The following RBM33 variants were observed in gnomAD, a reference collection of about 807,000 sequenced individuals.
RBM33 encodes RNA-binding protein 33.
RBM33 carries 28 observed loss-of-function variants against 132.6 expected under a neutral mutation model. The observed-to-expected ratio is 0.21, with a 90% CI of 0.16 to 0.29. RBM33 has a LOEUF of 0.29. RBM33 is among the 10% of genes least tolerant of loss of function. The pLI, the probability that RBM33 is intolerant of heterozygous loss-of-function variation, is 1.00. For synonymous variants in RBM33, 634 were observed against 593.0 expected (o/e 1.07, Z -1.01); for missense variants, 1,291 against 1,518.5 (o/e 0.85, Z 2.49).
chr7:155,714,045 G>A (rs541840188), intron 8 of RBM33, among the ~76,000 whole-genome samples: 25 of 152,130 alleles, frequency 1.6e-4, no homozygotes, highest in Non-Finnish European at 2.9e-4. Context: ...CTGAGGAGAG[G>A]CGCTTTGGAG....
chr7:155,715,674 A>G (rs1204728636), intron 8 of RBM33, among the ~76,000 whole-genome samples: 1 of 152,248 alleles, frequency 6.6e-6, no homozygotes, highest in Non-Finnish European at 1.5e-5. Flanking sequence ...CTTCAGAGGT[A>G]CACTGACACA....
intron 14 of RBM33, among the ~76,000 whole-genome samples, chr7:155,757,362 G>GA (rs1180557706): frequency 3.3e-5 from 5 of 151,218 alleles, no homozygotes; most frequent in Non-Finnish European, 5.9e-5. Flanking sequence ...CTTTTAATTA[G>GA]AAAAAAAAAT....
chr7:155,650,585 C>T (rs145350087), intron 1 of RBM33, among the ~76,000 whole-genome samples: 1 of 152,046 alleles, frequency 6.6e-6, no homozygotes, highest in African/African-American at 2.4e-5. Context: ...TTTGTGCTAT[C>T]CTTTTATTTA....
chr7:155,739,915 C>G lies in RBM33; in HGVS notation c.1938C>G (p.Pro646=), dbSNP rs1490588336. 3 of 1,551,238 alleles carry G rather than the reference C, an allele frequency of 1.9e-6. No homozygotes were observed. The African/African-American group carries it at 4.1e-5, about 21-fold the overall frequency. ...HHHHHHLSVP[P]PPLMPMSQPQ... ...ACCACCACCACCTGTCCGTCCCGCC[C>G]CCTCCTTTGATGCCGATGTCTCAGC... The change falls in exon 12 of 18, where the codon CCC becomes CCG. Residue 646 remains proline, a synonymous_variant. Transcript: ENST00000401878.
intron 14 of RBM33, among the ~76,000 whole-genome samples, chr7:155,748,265 C>T (rs981078476): frequency 1.3e-5 from 2 of 152,238 alleles, no homozygotes; most frequent in African/African-American, 2.4e-5. Flanking sequence ...TTACCTCCTT[C>T]CCTTTTTTCT....
Position 155,661,146 on chromosome 7 carries a change from A to ATATTTTT in RBM33, c.44-4028_44-4027insATTTTTT, listed in dbSNP as rs1421586760. 1.1e-3 allele frequency among the ~76,000 whole-genome samples: 87 copies of ATATTTTT among 81,166 alleles called. 6 individuals are homozygous for ATATTTTT. The highest frequency in any genetic ancestry group is 1.8e-3 in the East Asian group (5 of 2,776). 53.2% of individuals were successfully genotyped at this position (81,166 alleles called of 152,430 possible). On this transcript the variant is annotated intron_variant, in intron 1 of 17. Transcript: ENST00000401878. ...TGTGTGTGTGTATATATATATATAT[A>ATATTTTT]TTTTTTTTTTTTTGAGACAGAGTCT...
At chr7:155,695,934 ACG>A (rs1491261125) in intron 5 of RBM33, among the ~76,000 whole-genome samples, 193 of 151,572 alleles carry the variant, frequency 1.3e-3, no homozygotes, top group African/African-American at 4.5e-3. Flanking sequence ...ATATGTGCGC[ACG>A]TGTGTGTGTG....
At chr7:155,748,995 C>T (rs1160054490) in intron 14 of RBM33, among the ~76,000 whole-genome samples, 3 of 152,096 alleles carry the variant, frequency 2.0e-5, no homozygotes, top group African/African-American at 2.4e-5. Flanking sequence ...TGGAGCCTTT[C>T]TCTAGGACTG....
intron 9 of RBM33, among the ~76,000 whole-genome samples, chr7:155,719,796 T>C (rs1800568535): frequency 6.6e-6 from 1 of 152,236 alleles, no homozygotes; most frequent in Admixed American, 6.5e-5. Context: ...TTTTTGGATG[T>C]GTTTTCACAT....
intron 5 of RBM33, among the ~76,000 whole-genome samples, chr7:155,693,646 G>A (rs1371379535): frequency 6.6e-6 from 1 of 151,234 alleles, no homozygotes; most frequent in African/African-American, 2.4e-5. Context: ...TCTTTGTGAT[G>A]CTCTTGATCT....
chr7:155,764,079 C>G, intron 15 of RBM33, 61 bp downstream of exon 15: 1 of 1,307,410 alleles, frequency 7.6e-7, no homozygotes. Flanking sequence ...AGGCAGTGTT[C>G]AGACGTGCTC....
At chr7:155,648,621 TTC>T (rs961257393) in intron 1 of RBM33, among the ~76,000 whole-genome samples, 2 of 87,358 alleles carry the variant, frequency 2.3e-5, no homozygotes, top group East Asian at 3.8e-4. Context: ...GTGTATTTAA[TTC>T]TTTTTTTTTT....
At chr7:155,645,303 G>T in intron 1 of RBM33, 1 of 194,766 alleles carries the variant, frequency 5.1e-6, no homozygotes, top group Non-Finnish European at 1.0e-5. Flanking sequence ...GTCGCTGTAG[G>T]GTGGGTGTTT....
At chr7:155,657,528 A>T (rs894249233) in intron 1 of RBM33, among the ~76,000 whole-genome samples, 1 of 152,090 alleles carries the variant, frequency 6.6e-6, no homozygotes, top group Non-Finnish European at 1.5e-5. Context: ...TTTTGGTCTC[A>T]CTGTTTTGTC....
intron 6 of RBM33, among the ~76,000 whole-genome samples, chr7:155,705,544 A>T (rs1800088865): frequency 6.6e-6 from 1 of 152,288 alleles, no homozygotes; most frequent in Non-Finnish European, 1.5e-5. Context: ...GAGTTTGGAG[A>T]TGATGATGGG....
intron 9 of RBM33, among the ~76,000 whole-genome samples, chr7:155,733,423 G>A (rs1563165835): frequency 1.1e-5 from 1 of 88,782 alleles, no homozygotes; most frequent in South Asian, 3.1e-4. Context: ...GTGGTTGAGT[G>A]AACTTACAGA....
intron 14 of RBM33, among the ~76,000 whole-genome samples, chr7:155,763,444 A>G (rs1344166686): frequency 6.6e-6 from 1 of 152,278 alleles, no homozygotes; most frequent in Non-Finnish European, 1.5e-5. Flanking sequence ...CATTTTAACA[A>G]GAATGCTCTT....
At chr7:155,699,144 G>A (rs946129011) in intron 5 of RBM33, among the ~76,000 whole-genome samples, 4 of 152,172 alleles carry the variant, frequency 2.6e-5, no homozygotes, top group Non-Finnish European at 5.9e-5. Flanking sequence ...TCTTTGAACT[G>A]TGCTTACAGT....
chr7:155,755,800 C>T (rs1801829907), intron 14 of RBM33, among the ~76,000 whole-genome samples: 1 of 150,784 alleles, frequency 6.6e-6, no homozygotes, highest in African/African-American at 2.5e-5. Flanking sequence ...ATTTGTCCTG[C>T]TAATGTTGGG....
Sources: gnomAD v4.1 joint callset for allele counts (sites outside exome capture counted in the v4.1 genomes callset) on GRCh38, gnomAD v4.1.1 for gene constraint, MANE v1.5 for transcripts, NCBI Gene and HGNC (gene_info 2026-07-23, HGNC 2026-07-21) for gene names.